GALNT18: variants seen among roughly 807,000 people sequenced by gnomAD.
GALNT18 encodes the protein GalNAc-transferase 18.
GALNT18 carries 44 observed loss-of-function variants against 69.5 expected under a neutral mutation model. The observed-to-expected ratio is 0.63, with a 90% CI of 0.50 to 0.81. The LOEUF (loss-of-function observed/expected upper bound fraction) is 0.81, where lower values mean the gene tolerates loss of function less well. Ranked by LOEUF, GALNT18 falls within the 40% of genes least tolerant of loss-of-function variation. The pLI, the probability that GALNT18 is intolerant of heterozygous loss-of-function variation, is 0.00. For synonymous variants in GALNT18, 364 were observed against 318.2 expected (o/e 1.14, Z -1.53); for missense variants, 715 against 810.0 (o/e 0.88, Z 1.42).
rs1857909598 is a variant in GALNT18 at position 11,541,131 on chromosome 11, G to A, written c.235+80228C>T. Among the ~76,000 whole-genome samples the A allele has an allele frequency of 6.6e-6, 1 of 152,138 alleles. No homozygotes were observed. Among genetic ancestry groups the A allele is most frequent in the African/African-American group, 2.4e-5 (1 of 41,426 alleles). ...GTGTTCCCCACTGGCTGAGATTAATGGGGATGACACTGTGGCTGCTGATGT... is the reference window on the plus strand; with the variant it reads ...GTGTTCCCCACTGGCTGAGATTAATAGGGATGACACTGTGGCTGCTGATGT... On this transcript the variant is annotated intron_variant, in intron 1 of 10. Coordinates refer to ENST00000227756, the MANE Select transcript of GALNT18 (RefSeq NM_198516.3). This position sits in a 1 kb window ranked among gnomAD's most constrained non-coding sequence, Gnocchi z 4.8.
At chr11:11,373,929 G>A (rs893606756) in intron 5 of GALNT18, among the ~76,000 whole-genome samples, 1 of 152,144 alleles carries the variant, frequency 6.6e-6, no homozygotes, top group African/African-American at 2.4e-5. Flanking sequence ...GAAAACTGTC[G>A]GTCCATCACA....
In GALNT18 at chr11:11,436,978, C is replaced by A. The variant is rs542008092; in HGVS notation, c.429-4191G>T. On this transcript the variant is annotated intron_variant, in intron 2 of 10. Transcript: ENST00000227756. The surrounding 1 kb of genome is among the most constrained non-coding windows in gnomAD (Gnocchi z 4.5). Reference sequence around the variant, plus strand: ...CAAATCTGTACTGCTAAGATGCCCTCCCAGAGCACCTGGATTTTCCAGAAT... The same window carrying A: ...CAAATCTGTACTGCTAAGATGCCCTACCAGAGCACCTGGATTTTCCAGAAT... Among the ~76,000 whole-genome samples the A allele has an allele frequency of 1.6e-3, 247 of 152,298 alleles. 10 individuals carry two copies. In the South Asian group the frequency reaches 0.048, roughly 30 times the overall value.
At chr11:11,401,491 C>T (rs1456474930) in intron 3 of GALNT18, among the ~76,000 whole-genome samples, 1 of 152,160 alleles carries the variant, frequency 6.6e-6, no homozygotes, top group African/African-American at 2.4e-5. Context: ...GCCCCACTGC[C>T]CTGCCTCCTG....
rs988968578 is a variant in GALNT18, at chr11:11,461,556, T to TC, written c.236-12621dup. Among the ~76,000 whole-genome samples the TC allele has an allele frequency of 7.2e-5, 11 of 151,978 alleles. No homozygotes were observed. In the East Asian group the frequency reaches 1.7e-3, roughly 24 times the overall value. The stretch of plus-strand genomic sequence containing the variant: ...ATAAACTCTGAAGCACATACCGTTA[T>TC]CCCCCCCGCTCCCGCCCGCCACCGA... On this transcript the variant is annotated intron_variant, in intron 1 of 10. Coordinates refer to ENST00000227756, the MANE Select transcript of GALNT18 (RefSeq NM_198516.3). This position sits in a 1 kb window ranked among gnomAD's most constrained non-coding sequence, Gnocchi z 4.1.
chr11:11,271,317 C>T (rs12282401), intron 10 of GALNT18, 27 bp from the exon 11 acceptor site: 330,976 of 1,604,018 alleles, frequency 0.21, 35,309 homozygotes, highest in Admixed American at 0.25. Flanking sequence ...ACAGTGGGGT[C>T]AGAGGGCATA....
intron 1 of GALNT18, among the ~76,000 whole-genome samples, chr11:11,515,929 C>T (rs1330373335): frequency 6.6e-6 from 1 of 152,210 alleles, no homozygotes; most frequent in Non-Finnish European, 1.5e-5. Context: ...CAGCAAGGAG[C>T]CCATGCAGAG....
At chr11:11,419,480 C>T (rs982760911) in intron 3 of GALNT18, among the ~76,000 whole-genome samples, 1 of 151,274 alleles carries the variant, frequency 6.6e-6, no homozygotes, top group Non-Finnish European at 1.5e-5. Flanking sequence ...GCCTGTAATC[C>T]CAGCTACTCA....
intron 1 of GALNT18, among the ~76,000 whole-genome samples, chr11:11,473,049 A>C (rs139897252): frequency 2.1e-3 from 320 of 152,290 alleles, no homozygotes; most frequent in Non-Finnish European, 4.1e-3. Context: ...GGTGCCATCC[A>C]CAGCACCCAC....
At chr11:11,293,240 C>T (rs754270512) in intron 9 of GALNT18, 47 bp from the exon 10 acceptor site, 5 of 1,302,036 alleles carry the variant, frequency 3.8e-6, no homozygotes, top group East Asian at 5.6e-5. Flanking sequence ...CCAATGGCCA[C>T]GGAGACAGGA....
chr11:11,515,181 G>C (rs1457500766), intron 1 of GALNT18, among the ~76,000 whole-genome samples: 2 of 152,156 alleles, frequency 1.3e-5, no homozygotes, highest in African/African-American at 2.4e-5. Flanking sequence ...AAGATACCAT[G>C]AGAATAATAT....
intron 1 of GALNT18, among the ~76,000 whole-genome samples, chr11:11,451,307 A>G (rs1011728999): frequency 5.3e-5 from 8 of 152,254 alleles, no homozygotes; most frequent in Non-Finnish European, 1.2e-4. Flanking sequence ...CAACTGAATC[A>G]TATAATATTT....
In GALNT18 at chr11:11,419,789, T is replaced by C. The variant is rs532531553; in HGVS notation, c.595+12832A>G. Among the ~76,000 whole-genome samples, 55 of 151,820 alleles carry C rather than the reference T, an allele frequency of 3.6e-4. 1 individual carries two copies. Among genetic ancestry groups the C allele is most frequent in the Non-Finnish European group, 7.2e-4 (49 of 67,938 alleles). ...TGCCTTTACGTCTCCTCCCTAAAATTCTACTTATGCCATAAGCTCTTGGGA... is the reference window on the plus strand; with the variant it reads ...TGCCTTTACGTCTCCTCCCTAAAATCCTACTTATGCCATAAGCTCTTGGGA... On this transcript the variant is annotated intron_variant, in intron 3 of 10. Transcript: ENST00000227756.
At chr11:11,296,114 A>T (rs1275451317) in intron 9 of GALNT18, among the ~76,000 whole-genome samples, 2 of 152,154 alleles carry the variant, frequency 1.3e-5, no homozygotes, top group African/African-American at 4.8e-5. Context: ...CTAACAAGTA[A>T]TCTCTAAGTT....
At chr11:11,544,947 T>A (rs1228257002) in intron 1 of GALNT18, among the ~76,000 whole-genome samples, 1 of 152,228 alleles carries the variant, frequency 6.6e-6, no homozygotes, top group Non-Finnish European at 1.5e-5. Context: ...CTGCTCTACC[T>A]GGTTCCGAGG....
rs1859382653 is a variant in GALNT18 at position 11,592,528 on chromosome 11, C to T, written c.235+28831G>A. Among the ~76,000 whole-genome samples, 2 of 152,162 alleles carry T rather than the reference C, an allele frequency of 1.3e-5. No homozygotes were observed. Among genetic ancestry groups the T allele is most frequent in the African/African-American group, 4.8e-5 (2 of 41,426 alleles). ...GGCAGAACCATGCTCCCTCACCTTA[C>T]CCCCACACACAGCACACGCCCTGGG... On this transcript the variant is annotated intron_variant, in intron 1 of 10. Coordinates refer to ENST00000227756, the MANE Select transcript of GALNT18 (RefSeq NM_198516.3). The surrounding 1 kb of genome is among the most constrained non-coding windows in gnomAD (Gnocchi z 5.9).
At chr11:11,482,771 C>A (rs528978597) in intron 1 of GALNT18, among the ~76,000 whole-genome samples, 36 of 152,188 alleles carry the variant, frequency 2.4e-4, no homozygotes, top group Non-Finnish European at 4.6e-4. Flanking sequence ...ATGAAATTAG[C>A]TAAAGCCAAA....
intron 1 of GALNT18, among the ~76,000 whole-genome samples, chr11:11,462,508 G>C (rs1057260102): frequency 1.3e-5 from 2 of 151,722 alleles, no homozygotes; most frequent in Non-Finnish European, 2.9e-5. Context: ...GGCCAGGCTG[G>C]TCTCGAACTC....
intron 10 of GALNT18, among the ~76,000 whole-genome samples, chr11:11,276,779 T>C (rs1253201060): frequency 1.3e-5 from 2 of 152,230 alleles, no homozygotes; most frequent in Non-Finnish European, 2.9e-5. Context: ...CATGTGGTTT[T>C]TGTCACTGGT....
intron 1 of GALNT18, among the ~76,000 whole-genome samples, chr11:11,486,224 G>A (rs1181958001): frequency 1.3e-5 from 2 of 152,250 alleles, no homozygotes; most frequent in Middle Eastern, 3.4e-3. Flanking sequence ...TGTACCTCCC[G>A]CCCTACTTGC....
Sources: allele counts gnomAD v4.1 joint callset (sites outside exome capture counted in the v4.1 genomes callset), GRCh38; gene constraint gnomAD v4.1.1; non-coding constraint Gnocchi (gnomAD v3.1); transcripts MANE v1.5; gene names NCBI Gene and HGNC (gene_info 2026-07-23, HGNC 2026-07-21).